The following GAD2 variants were observed in gnomAD, a reference collection of about 807,000 sequenced individuals.
GAD2 encodes the protein 65 kDa glutamic acid decarboxylase.
A neutral mutation model predicts 80.1 loss-of-function variants in GAD2; 22 were observed. The observed-to-expected ratio is 0.27, with a 90% CI of 0.20 to 0.39. The LOEUF is 0.39. Ranked by LOEUF, GAD2 falls within the 10% of genes least tolerant of loss-of-function variation. GAD2 has a pLI of 1.00. For synonymous variants in GAD2, 274 were observed against 256.9 expected, an observed-to-expected ratio of 1.07 and a Z score of -0.64; for missense variants, 624 against 738.4, an observed-to-expected ratio of 0.85 and a Z score of 1.80.
chr10:26,249,008 A>AT (rs112838454), intron 8 of GAD2, among the ~76,000 whole-genome samples: 3,669 of 152,260 alleles, frequency 0.024, 160 homozygotes, highest in African/African-American at 0.083. Flanking sequence ...TTAGACAGGC[A>AT]TTAAGGATAA....
chr10:26,254,018 C>T (rs1293406058), intron 8 of GAD2, among the ~76,000 whole-genome samples: 3 of 152,028 alleles, frequency 2.0e-5, no homozygotes, highest in African/African-American at 7.3e-5. Context: ...GATTCTTTTT[C>T]TTTTCTTTTA....
In GAD2 at chr10:26,303,670, A is replaced by G. The variant is rs1180962151; in HGVS notation, c.*2709A>G. 6.6e-6 allele frequency: 1 copy of G among 152,264 alleles called. No homozygotes were observed. The highest frequency in any genetic ancestry group is 1.5e-5 in the Non-Finnish European group (1 of 68,042). 9.4% of individuals were successfully genotyped at this position (152,264 alleles called of 1,614,324 possible). On this transcript the variant is annotated 3_prime_UTR_variant, in exon 16 of 16. Coordinates refer to ENST00000376261, the MANE Select transcript of GAD2 (RefSeq NM_001134366.2). Reference sequence around the variant, plus strand: ...TACAGCAATATTGTGTTTATCATTTAAAATACTTGAACAAACAAGTGTGAT... The same window carrying G: ...TACAGCAATATTGTGTTTATCATTTGAAATACTTGAACAAACAAGTGTGAT...
At chr10:26,218,042 C>T (rs1844402847) in intron 3 of GAD2, 51 bp downstream of exon 3, 2 of 1,521,624 alleles carry the variant, frequency 1.3e-6, no homozygotes. Context: ...CTCTCTGCCC[C>T]GCCCACCGCG....
Position 26,273,696 on chromosome 10 carries a change from G to A in GAD2, c.1153G>A (p.Glu385Lys). 1 of 1,613,404 alleles carries A rather than the reference G, an allele frequency of 6.2e-7. No individual in the cohort carries two copies. Among genetic ancestry groups the A allele is most frequent in the Non-Finnish European group, 8.5e-7 (1 of 1,179,574 alleles). ...RKHKWKLSGVERANSVTWNPH... is the reference protein window; with the variant it reads ...RKHKWKLSGVKRANSVTWNPH... ...ACACAAGTGGAAACTGAGTGGCGTG[G>A]AGAGGTATGTTGCATTTTTCTTATT... Residue 385 changes from glutamate to lysine, a missense_variant, in exon 11 of 16, where the codon GAG (glutamate) becomes AAG (lysine). Coordinates refer to ENST00000376261, the MANE Select transcript of GAD2 (RefSeq NM_001134366.2).
intron 4 of GAD2, among the ~76,000 whole-genome samples, chr10:26,222,561 C>T (rs1844466350): frequency 6.6e-6 from 1 of 152,040 alleles, no homozygotes; most frequent in Admixed American, 6.5e-5. Flanking sequence ...GCCTTCTCAC[C>T]CTTCGTGGAT....
Position 26,217,122 on chromosome 10 carries a change from C to T in GAD2, c.76+237C>T, listed in dbSNP as rs1278407925. On this transcript the variant is annotated intron_variant, in intron 1 of 15. Transcript: ENST00000376261. The surrounding 1 kb of genome is among the most constrained non-coding windows in gnomAD (Gnocchi z 4.9). ...CCCGTTCCACAGAAGGTTGGAAGAG[C>T]CCCCCAAAGACCGCGGTGTCTCGGG... is the stretch of plus-strand genomic sequence containing the variant. Among the ~76,000 whole-genome samples, 1 of 151,924 alleles carries T rather than the reference C, an allele frequency of 6.6e-6. No homozygotes were observed. The highest frequency in any genetic ancestry group is 1.5e-5 in the Non-Finnish European group (1 of 67,964).
chr10:26,228,140 C>T (rs1396838706), intron 6 of GAD2, among the ~76,000 whole-genome samples: 1 of 152,228 alleles, frequency 6.6e-6, no homozygotes, highest in Non-Finnish European at 1.5e-5. Context: ...GAGGTAGAGG[C>T]AGTACCTTCA....
chr10:26,217,667 G>C lies in GAD2; in HGVS notation c.134G>C (p.Cys45Ser). 6.2e-7 allele frequency: 1 copy of C among 1,613,476 alleles called. No individual in the cohort carries two copies. Among genetic ancestry groups the C allele is most frequent in the South Asian group, 1.1e-5 (1 of 90,924 alleles). ...ACGGGCGGCATCGGAAACAAACTGT[G>C]CGGTGAGTGCCCAGGGACCGGGGCG... The part of the protein sequence containing the change: ...KFTGGIGNKL[C>S]ALLYGDAEKP... The change falls in exon 2 of 16, where the codon TGC (cysteine) becomes TCC (serine). Residue 45 changes from cysteine (C) to serine (S), a missense_variant and splice_region_variant. By Grantham distance (112) the Cys-to-Ser change is moderately radical. Transcript: ENST00000376261. The surrounding 1 kb of genome is among the most constrained non-coding windows in gnomAD (Gnocchi z 4.9).
chr10:26,264,853 T>A (rs1281950426), intron 8 of GAD2, among the ~76,000 whole-genome samples: 1 of 152,218 alleles, frequency 6.6e-6, no homozygotes, highest in Non-Finnish European at 1.5e-5. Context: ...TTTTTAGGAA[T>A]AGAGCTAAGC....
chr10:26,221,939 C>T (rs1476027848), intron 4 of GAD2, among the ~76,000 whole-genome samples: 1 of 152,116 alleles, frequency 6.6e-6, no homozygotes, highest in Non-Finnish European at 1.5e-5. Flanking sequence ...AGAGCCCTGC[C>T]TTGATTTGCT....
Position 26,303,560 on chromosome 10 carries a change from G to T in GAD2, c.*2599G>T, listed in dbSNP as rs929033868. ...TATTAGCCCAAATTCCCAGTGCCAT[G>T]GTCTTTATGTGTGCCCATTCTTTAC... is the stretch of plus-strand genomic sequence containing the variant. On this transcript the variant is annotated 3_prime_UTR_variant, in exon 16 of 16. Coordinates refer to ENST00000376261, the MANE Select transcript of GAD2 (RefSeq NM_001134366.2). The T allele has an allele frequency of 6.6e-6, 1 of 152,026 alleles. No individual in the cohort carries two copies. Among genetic ancestry groups the T allele is most frequent in the Non-Finnish European group, 1.5e-5 (1 of 68,014 alleles). 9.4% of individuals were successfully genotyped at this position (152,026 alleles called of 1,614,324 possible).
chr10:26,285,675 A>T lies in GAD2; in HGVS notation c.1237-670A>T, dbSNP rs141705966. Reference sequence around the variant, plus strand: ...TCTATCTCAAGGAACTGAGTATGCGAATGCAGGACTGAAGCTCTGACCACT... The same window carrying T: ...TCTATCTCAAGGAACTGAGTATGCGTATGCAGGACTGAAGCTCTGACCACT... On this transcript the variant is annotated intron_variant, in intron 12 of 15. Transcript: ENST00000376261. Among the ~76,000 whole-genome samples the T allele has an allele frequency of 6.0e-3, 916 of 152,358 alleles. 4 individuals carry two copies. The highest frequency in any genetic ancestry group is 0.01 in the Non-Finnish European group (689 of 68,036).
At chr10:26,273,960 A>C (rs1372281965) in intron 11 of GAD2, among the ~76,000 whole-genome samples, 3 of 152,208 alleles carry the variant, frequency 2.0e-5, no homozygotes, top group African/African-American at 7.2e-5. Flanking sequence ...TCAGACATAG[A>C]GATTCCTGTC....
chr10:26,248,712 G>A (rs1844840870), intron 8 of GAD2, among the ~76,000 whole-genome samples: 1 of 152,086 alleles, frequency 6.6e-6, no homozygotes, highest in African/African-American at 2.4e-5. Flanking sequence ...CTCAGCTCTG[G>A]GTGATGAGGT....
At position 26,216,872 on chromosome 10, in the gene GAD2, G is replaced by A. The variant is rs148577863; in HGVS notation, c.63G>A (p.Glu21=). ...CGGAAGATGGCTCTGGGGATTCCGA[G>A]AATCCCGGCACAGGTAGGAAGGAGA... The part of the protein sequence containing the change: ...FGSEDGSGDS[E]NPGTARAWCQ... The change falls in exon 1 of 16, where the codon GAG becomes GAA. Residue 21 remains glutamate, a synonymous_variant. Coordinates refer to ENST00000376261, the MANE Select transcript of GAD2 (RefSeq NM_001134366.2). This position sits in a 1 kb window ranked among gnomAD's most constrained non-coding sequence, Gnocchi z 4.7. The A allele has an allele frequency of 1.4e-4, 233 of 1,611,280 alleles. No individual in the cohort carries two copies. Among genetic ancestry groups the A allele is most frequent in the Admixed American group, 9.4e-4 (56 of 59,738 alleles).
intron 8 of GAD2, among the ~76,000 whole-genome samples, chr10:26,246,287 C>T (rs1002838650): frequency 3.9e-5 from 6 of 152,128 alleles, no homozygotes; most frequent in Non-Finnish European, 4.4e-5. Flanking sequence ...CACCTGGGCA[C>T]GTTAGCAACA....
chr10:26,294,781 G>C (rs1222719842), intron 15 of GAD2, among the ~76,000 whole-genome samples: 1 of 152,172 alleles, frequency 6.6e-6, no homozygotes, highest in African/African-American at 2.4e-5. Context: ...TGGATAAGAT[G>C]ATCGGTGCAG....
intron 7 of GAD2, among the ~76,000 whole-genome samples, chr10:26,230,173 A>G (rs1015901306): frequency 2.0e-5 from 3 of 151,332 alleles, no homozygotes; most frequent in Non-Finnish European, 4.4e-5. Context: ...GTCTAAAAGA[A>G]AAAAAAAAGG....
chr10:26,278,804 C>G (rs1176927893), intron 11 of GAD2, among the ~76,000 whole-genome samples: 2 of 151,892 alleles, frequency 1.3e-5, no homozygotes, highest in Non-Finnish European at 2.9e-5. Context: ...AGAAGCTGAG[C>G]TAGACTATTC....
Sources: allele counts gnomAD v4.1 joint callset (sites outside exome capture counted in the v4.1 genomes callset), GRCh38; gene constraint gnomAD v4.1.1; non-coding constraint Gnocchi (gnomAD v3.1); transcripts MANE v1.5; gene names NCBI Gene and HGNC (gene_info 2026-07-23, HGNC 2026-07-21).